Variants in ACOT1 observed in about 807,000 individuals in gnomAD.
The protein encoded by ACOT1 is acyl-coenzyme A thioesterase 1.
In ACOT1, 8 loss-of-function variants were observed where a neutral mutation model predicts 15.7. The observed-to-expected ratio is 0.51, with a 90% CI of 0.30 to 0.92. The LOEUF (loss-of-function observed/expected upper bound fraction) is 0.92, where lower values mean the gene tolerates loss of function less well. Ranked by LOEUF, ACOT1 falls within the 40% of genes least tolerant of loss-of-function variation. ACOT1 has a pLI of 0.06. For synonymous variants in ACOT1, 67 were observed against 241.2 expected (o/e 0.28, Z 6.69); for missense variants, 151 against 539.4 (o/e 0.28, Z 7.13).
At chr14:73,532,204 T>C (rs372420266), upstream of ACOT1, among the ~76,000 whole-genome samples, 37 of 114,974 alleles carry the variant, frequency 3.2e-4, 10 homozygotes, top group African/African-American at 7.4e-4. Flanking sequence ...AGCTGTCCGT[T>C]GACTTTTCCA....
chr14:73,522,422 C>T, the ACOT1 span: 1 of 1,614,264 alleles, frequency 6.2e-7, no homozygotes, highest in Non-Finnish European at 8.5e-7. Context: ...CCGAATGTGA[C>T]TCCAGTCGTA....
the ACOT1 span, among the ~76,000 whole-genome samples, chr14:73,526,417 C>A: frequency 1.3e-5 from 2 of 152,166 alleles, no homozygotes; most frequent in Non-Finnish European, 2.9e-5. Context: ...GTCATGGAGG[C>A]AGTGGACTTT....
At chr14:73,525,937 A>C in the ACOT1 span, among the ~76,000 whole-genome samples, 9 of 137,394 alleles carry the variant, frequency 6.6e-5, no homozygotes, top group Non-Finnish European at 1.4e-4. Flanking sequence ...TGGGTGACAG[A>C]GTGAGACTCC....
At chr14:73,524,310 A>AAAAAAAAATAT in the ACOT1 span, among the ~76,000 whole-genome samples, 8 of 54,774 alleles carry the variant, frequency 1.5e-4, no homozygotes, top group Non-Finnish European at 2.5e-4. Flanking sequence ...AAAAAAAAAA[A>AAAAAAAAATAT]ATATATATAT....
At chr14:73,518,287 C>G in the ACOT1 span, among the ~76,000 whole-genome samples, 22 of 151,792 alleles carry the variant, frequency 1.4e-4, no homozygotes, top group Non-Finnish European at 7.4e-5. Context: ...ACCTGTGATT[C>G]CAGCTACCCT....
At chr14:73,498,215 T>C in the ACOT1 span, 1 of 1,614,080 alleles carries the variant, frequency 6.2e-7, no homozygotes, top group South Asian at 1.1e-5. Flanking sequence ...CCTGACCCGG[T>C]CCCCTTGAAG....
the ACOT1 span, among the ~76,000 whole-genome samples, chr14:73,529,901 T>A: frequency 6.7e-6 from 1 of 148,886 alleles, no homozygotes; most frequent in Non-Finnish European, 1.5e-5. Context: ...TCTGAAGTTC[T>A]GAGGTGGAGT....
chr14:73,499,996 G>A, the ACOT1 span, among the ~76,000 whole-genome samples: 4 of 152,202 alleles, frequency 2.6e-5, no homozygotes, highest in Admixed American at 6.5e-5. Flanking sequence ...TTGGGAGGCC[G>A]AGGCGGGCGG....
chr14:73,491,995 C>G, the ACOT1 span: 1 of 1,613,982 alleles, frequency 6.2e-7, no homozygotes, highest in African/African-American at 1.3e-5. Context: ...CAGGCTCCAA[C>G]GTTTACCTCA....
At chr14:73,495,686 T>C in the ACOT1 span, among the ~76,000 whole-genome samples, 3 of 152,340 alleles carry the variant, frequency 2.0e-5, no homozygotes, top group Admixed American at 6.5e-5. Flanking sequence ...AGATTTTTTA[T>C]ACCTGTTCGT....
the ACOT1 span, among the ~76,000 whole-genome samples, chr14:73,518,692 T>C: frequency 6.6e-6 from 1 of 152,090 alleles, no homozygotes; most frequent in African/African-American, 2.4e-5. Context: ...GGTCAGGAGT[T>C]TGATGCACTT....
the ACOT1 span, chr14:73,491,537 A>T: frequency 5.2e-6 from 8 of 1,530,554 alleles, no homozygotes; most frequent in South Asian, 9.7e-5. Flanking sequence ...GCAGGTGGAT[A>T]ACACGGGTGG....
At chr14:73,508,105 CTG>C in the ACOT1 span, 9 of 1,608,158 alleles carry the variant, frequency 5.6e-6, no homozygotes, top group Non-Finnish European at 8.5e-7. Context: ...CTCCCCAAAA[CTG>C]TGTCTGACCC....
chr14:73,493,955 A>G, the ACOT1 span, among the ~76,000 whole-genome samples: 1 of 152,252 alleles, frequency 6.6e-6, no homozygotes, highest in Non-Finnish European at 1.5e-5. Context: ...ATTATTTTCT[A>G]CCAGCTTGTT....
At chr14:73,491,056 C>T in the ACOT1 span, 5 of 1,589,866 alleles carry the variant, frequency 3.1e-6, no homozygotes, top group Non-Finnish European at 3.4e-6. Context: ...CGTTGAGGCG[C>T]GGGCGGCCGA....
the ACOT1 span, among the ~76,000 whole-genome samples, chr14:73,518,360 C>T: frequency 2.3e-4 from 35 of 150,690 alleles, no homozygotes; most frequent in Admixed American, 1.5e-3. Context: ...GCAGAGATCA[C>T]GCCACTGCAC....
At chr14:73,511,241 G>A in the ACOT1 span, among the ~76,000 whole-genome samples, 4 of 152,140 alleles carry the variant, frequency 2.6e-5, no homozygotes, top group East Asian at 3.9e-4. Context: ...TGTCAGGTGC[G>A]GTGGCTCATG....
In ACOT1 at chr14:73,537,802, CT is replaced by C. The variant is rs749017062; in HGVS notation, c.382del (p.Tyr128ThrfsTer58). 96 of 1,219,566 alleles carry C rather than the reference CT, an allele frequency of 7.9e-5. 28 individuals are homozygous for C. The African/African-American group carries it at 1.4e-3, about 18-fold the overall frequency. The allele number at this position is 1,219,566 out of a possible 1,614,324, so 75.5% of individuals were successfully genotyped here. On this transcript the variant is annotated frameshift_variant, in exon 1 of 3. Coordinates refer to ENST00000311148, the MANE Select transcript of ACOT1 (RefSeq NM_001037161.2). LOFTEE classifies it high-confidence loss of function. ...TGCTGTGCCGGGTGCGGCACGAGCG[CT>C]ACTTCCTCCCGCCCGGGGTGCGGCG... is the stretch of plus-strand genomic sequence containing the variant. Reference protein sequence around the residue: ...RLLCRVRHERYFLPPGVRREP... With the variant: ...RLLCRVRHERXFLPPGVRREP...
the ACOT1 span, chr14:73,523,064 T>C: frequency 2.5e-6 from 4 of 1,613,780 alleles, no homozygotes; most frequent in Non-Finnish European, 3.4e-6. Context: ...TTTTGAGTAG[T>C]TTAAAATCAT....
Sources: allele counts gnomAD v4.1 joint callset (sites outside exome capture counted in the v4.1 genomes callset), GRCh38; gene constraint gnomAD v4.1.1; transcripts MANE v1.5; gene names NCBI Gene and HGNC (gene_info 2026-07-23, HGNC 2026-07-21).